The following CNTN5 variants were observed in gnomAD, a reference collection of about 807,000 sequenced individuals.
The protein encoded by CNTN5 is contactin-5.
In CNTN5, 77 loss-of-function variants were observed where a neutral mutation model predicts 129.1. That is an observed-to-expected ratio of 0.60 (90% CI 0.50 to 0.72). The LOEUF is 0.72. CNTN5 is among the 30% of genes least tolerant of loss of function. CNTN5 has a pLI of 0.00. For missense variants in CNTN5, 1,478 were observed against 1,328.8 expected, an observed-to-expected ratio of 1.11 and a Z score of -1.75; for synonymous variants, 509 against 465.6, an observed-to-expected ratio of 1.09 and a Z score of -1.20.
chr11:99,759,997 T>A (rs1460147170), intron 3 of CNTN5, among the ~76,000 whole-genome samples: 1 of 151,994 alleles, frequency 6.6e-6, no homozygotes, highest in Non-Finnish European at 1.5e-5. Context: ...ACACAGAGTT[T>A]GAGATGACAG....
At chr11:99,537,426 C>T (rs1947942686) in intron 2 of CNTN5, among the ~76,000 whole-genome samples, 1 of 152,066 alleles carries the variant, frequency 6.6e-6, no homozygotes, top group Admixed American at 6.6e-5. Context: ...TTTAACTACA[C>T]CACAAATAAA....
chr11:99,890,666 C>T (rs1474123340), intron 6 of CNTN5, among the ~76,000 whole-genome samples: 7 of 152,132 alleles, frequency 4.6e-5, no homozygotes, highest in Admixed American at 6.5e-5. Flanking sequence ...GAAGATACTC[C>T]GCCCTCATGG....
rs565410562 is a variant in CNTN5 at position 100,062,121 on chromosome 11, G to GTA, written c.1162+737_1162+738dup. On this transcript the variant is annotated intron_variant, in intron 10 of 24. Coordinates refer to ENST00000524871, the MANE Select transcript of CNTN5 (RefSeq NM_014361.4). ...TTGTACTTTTCATATTTGATTTACA[G>GTA]TATATATATAATGGGTAAGTTAGGG... 3.0e-3 allele frequency among the ~76,000 whole-genome samples: 451 copies of GTA among 152,232 alleles called. 1 individual carries two copies. Among genetic ancestry groups the GTA allele is most frequent in the Non-Finnish European group, 4.7e-3 (320 of 68,000 alleles).
intron 7 of CNTN5, among the ~76,000 whole-genome samples, chr11:99,932,740 A>G (rs1320248776): frequency 6.6e-6 from 1 of 152,182 alleles, no homozygotes; most frequent in Non-Finnish European, 1.5e-5. Flanking sequence ...TAAATACTCT[A>G]TAACTTAGTG....
At chr11:99,733,658 A>G (rs895986307) in intron 3 of CNTN5, among the ~76,000 whole-genome samples, 5 of 152,166 alleles carry the variant, frequency 3.3e-5, no homozygotes, top group African/African-American at 1.2e-4. Flanking sequence ...CTGTAGTTGT[A>G]TTGAACCTGT....
chr11:100,005,734 A>G (rs1402742969), intron 9 of CNTN5, among the ~76,000 whole-genome samples: 1 of 152,140 alleles, frequency 6.6e-6, no homozygotes, highest in Non-Finnish European at 1.5e-5. Context: ...GAGATTTATC[A>G]TATCTATAGA....
At chr11:99,418,358 T>C (rs1942751053) in intron 2 of CNTN5, among the ~76,000 whole-genome samples, 1 of 152,094 alleles carries the variant, frequency 6.6e-6, no homozygotes, top group Non-Finnish European at 1.5e-5. Context: ...TTTTGGCACA[T>C]TTCTTTAACT....
chr11:99,906,035 GC>G (rs1334997610), intron 6 of CNTN5, among the ~76,000 whole-genome samples: 3 of 152,090 alleles, frequency 2.0e-5, no homozygotes, highest in African/African-American at 7.2e-5. Context: ...GAGATTTTGG[GC>G]TGAGACGATA....
chr11:99,117,622 A>G (rs541788676), intron 1 of CNTN5, among the ~76,000 whole-genome samples: 1 of 152,190 alleles, frequency 6.6e-6, no homozygotes, highest in Non-Finnish European at 1.5e-5. Flanking sequence ...CATAGGTAGA[A>G]GCCCTAACAC....
At chr11:99,799,097 T>A (rs1184308631) in intron 3 of CNTN5, among the ~76,000 whole-genome samples, 1 of 152,106 alleles carries the variant, frequency 6.6e-6, no homozygotes, top group African/African-American at 2.4e-5. Context: ...TGTTACTGAT[T>A]TTTGTACATT....
intron 3 of CNTN5, among the ~76,000 whole-genome samples, chr11:99,737,073 C>G: frequency 6.6e-6 from 1 of 151,950 alleles, no homozygotes; most frequent in Non-Finnish European, 1.5e-5. Flanking sequence ...CACGTTTTGC[C>G]CTCTTTTTTT....
At chr11:99,510,111 C>A (rs1299438236) in intron 2 of CNTN5, among the ~76,000 whole-genome samples, 1 of 151,776 alleles carries the variant, frequency 6.6e-6, no homozygotes, top group East Asian at 1.9e-4. Context: ...AATAACTATC[C>A]AATATATTTT....
intron 3 of CNTN5, among the ~76,000 whole-genome samples, chr11:99,707,458 G>A (rs1190431140): frequency 6.6e-6 from 1 of 151,574 alleles, no homozygotes; most frequent in Non-Finnish European, 1.5e-5. Flanking sequence ...CTCCTGAATA[G>A]CCTACACATT....
At chr11:99,584,270 C>G (rs543459485) in intron 3 of CNTN5, among the ~76,000 whole-genome samples, 9 of 152,246 alleles carry the variant, frequency 5.9e-5, no homozygotes, top group African/African-American at 9.6e-5. Context: ...GCTCTGTATT[C>G]TCCTACTTGA....
At chr11:100,286,355 T>C (rs559889698) in intron 18 of CNTN5, among the ~76,000 whole-genome samples, 2,257 of 151,818 alleles carry the variant, frequency 0.015, 56 homozygotes, top group African/African-American at 0.052. Flanking sequence ...TAAATGTCCC[T>C]GTCTGACAGC....
chr11:99,829,303 T>G (rs1392207653), intron 4 of CNTN5, among the ~76,000 whole-genome samples: 1 of 152,230 alleles, frequency 6.6e-6, no homozygotes, highest in Non-Finnish European at 1.5e-5. Context: ...ATTACTGTGT[T>G]GCATGACGAT....
At chr11:99,667,139 T>C (rs1280499782) in intron 3 of CNTN5, among the ~76,000 whole-genome samples, 1 of 152,078 alleles carries the variant, frequency 6.6e-6, no homozygotes, top group Non-Finnish European at 1.5e-5. Flanking sequence ...ATTTAACATA[T>C]TTTATCCTTG....
intron 2 of CNTN5, among the ~76,000 whole-genome samples, chr11:99,506,172 G>C (rs530883296): frequency 6.6e-6 from 1 of 152,078 alleles, no homozygotes; most frequent in East Asian, 1.9e-4. Flanking sequence ...GGTACGGCTT[G>C]TCCTCATGCT....
chr11:99,168,214 A>C (rs972652933), intron 1 of CNTN5, among the ~76,000 whole-genome samples: 4 of 152,124 alleles, frequency 2.6e-5, no homozygotes, highest in African/African-American at 9.7e-5. Context: ...AAAGTGCTGG[A>C]ATTACAGGAG....
Sources: allele counts gnomAD v4.1 joint callset (sites outside exome capture counted in the v4.1 genomes callset), GRCh38; gene constraint gnomAD v4.1.1; transcripts MANE v1.5; gene names NCBI Gene and HGNC (gene_info 2026-07-23, HGNC 2026-07-21).